Variants in FLNC observed in about 807,000 individuals in gnomAD.
FLNC encodes the protein filamin-C.
In FLNC, 91 loss-of-function variants were observed where a neutral mutation model predicts 254.3. The ratio of observed to expected loss-of-function variants is 0.36; its 90% CI spans 0.30 to 0.43. The LOEUF is 0.43. Ranked by LOEUF, FLNC falls within the 20% of genes least tolerant of loss-of-function variation. FLNC has a pLI of 1.00. For synonymous variants in FLNC, 1,430 were observed against 1,577.2 expected, an observed-to-expected ratio of 0.91 and a Z score of 2.21; for missense variants, 2,853 against 3,802.6, an observed-to-expected ratio of 0.75 and a Z score of 6.57.
chr7:128,838,770 A>G lies in FLNC; in HGVS notation c.1378A>G (p.Thr460Ala), dbSNP rs1808211117. Residue 460 changes from threonine (T) to alanine (A), a missense_variant, in exon 8 of 48, where the codon ACC (threonine) becomes GCC (alanine). By Grantham distance (58) the Thr-to-Ala change is moderately conservative (BLOSUM62 0). Transcript: ENST00000325888. ...VHVAFAGAPI[T>A]RSPFPVHVSE... is the part of the protein sequence containing the mutation. ...TGTGGCCTTTGCGGGTGCCCCCATC[A>G]CCCGCAGTCCCTTCCCTGTCCATGT... 3 of 1,612,546 alleles carry G rather than the reference A, an allele frequency of 1.9e-6. No individual in the cohort carries two copies. In the South Asian group the frequency reaches 3.3e-5, roughly 18 times the overall value.
At position 128,852,996 on chromosome 7, in the gene FLNC, A is replaced by T. The variant is rs981816775; in HGVS notation, c.6173A>T (p.Gln2058Leu). 2 of 1,613,420 alleles carry T rather than the reference A, an allele frequency of 1.2e-6. No homozygotes were observed. Among genetic ancestry groups the T allele is most frequent in the Non-Finnish European group, 1.7e-6 (2 of 1,180,016 alleles). Reference sequence around the variant, plus strand: ...GGGCTTTCCGAGGGACACACATTCCAGGTGGCAGAGTTCATCGTGGACACT... The same window carrying T: ...GGGCTTTCCGAGGGACACACATTCCTGGTGGCAGAGTTCATCGTGGACACT... The part of the protein sequence containing the change: ...GKGLSEGHTF[Q>L]VAEFIVDTRN... The change falls in exon 37 of 48, where the codon CAG becomes CTG. Residue 2058 changes from glutamine (Q) to leucine (L), a missense_variant. Transcript: ENST00000325888.
chr7:128,850,662 G>A, intron 32 of FLNC, 141 bp from the exon 33 acceptor site: 2 of 1,374,756 alleles, frequency 1.5e-6, no homozygotes, highest in Non-Finnish European at 2.0e-6. Flanking sequence ...CCCAGTTCAG[G>A]GCTCAGGCCA....
chr7:128,841,312 A>T lies in FLNC; in HGVS notation c.1956A>T (p.Ser652=). ...VICDDEDIRD[S]PFIAHILPAP... The stretch of plus-strand genomic sequence containing the variant: ...GTGACGATGAGGACATCCGAGACTC[A>T]CCCTTCATTGCCCACATCCTGCCCG... Residue 652 remains serine (S), a synonymous_variant, in exon 12 of 48, where the codon TCA becomes TCT. Transcript: ENST00000325888. The surrounding 1 kb of genome is among the most constrained non-coding windows in gnomAD (Gnocchi z 4.3). 6.2e-7 allele frequency: 1 copy of T among 1,613,986 alleles called. No homozygotes were observed. The highest frequency in any genetic ancestry group is 8.5e-7 in the Non-Finnish European group (1 of 1,179,986).
In FLNC at chr7:128,854,236, C is replaced by G; in HGVS notation, c.6727+20C>G. 1 of 1,604,422 alleles carries G rather than the reference C, an allele frequency of 6.2e-7. No individual in the cohort carries two copies. Among genetic ancestry groups the G allele is most frequent in the Non-Finnish European group, 8.5e-7 (1 of 1,175,890 alleles). On this transcript the variant is annotated intron_variant, in intron 40 of 47. Transcript: ENST00000325888. ...AGGAGGGTGAGCACCGCACACTGGG[C>G]CGGCCGGGTCCTCACGGCGGGATGG...
At position 128,845,997 on chromosome 7, in the gene FLNC, G is replaced by T. The variant is rs755949518; in HGVS notation, c.3798G>T (p.Leu1266=). The T allele has an allele frequency of 1.2e-5, 19 of 1,613,642 alleles. 1 individual carries two copies. Among genetic ancestry groups the T allele is most frequent in the Middle Eastern group, 3.3e-4 (2 of 6,078 alleles). ...SGPGVEPHGV[L]REVTTEFTVD... is the part of the protein sequence containing the mutation. ...GCCACCCCTGGGCTCCAGGTGTCCT[G>T]CGGGAGGTGACCACTGAGTTCACTG... The change falls in exon 22 of 48, where the codon CTG becomes CTT. Residue 1266 remains leucine, a synonymous_variant. Transcript: ENST00000325888.
At position 128,844,010 on chromosome 7, in the gene FLNC, C is replaced by G; in HGVS notation, c.2936C>G (p.Ala979Gly). The G allele has an allele frequency of 6.2e-7, 1 of 1,614,160 alleles. No homozygotes were observed. The change falls in exon 20 of 48, where the codon GCT (alanine) becomes GGT (glycine). Residue 979 changes from alanine to glycine, a missense_variant. This residue lies in a region of FLNC where 1,573 missense variants were observed against 1,883.5 expected (regional missense o/e 0.84). Coordinates refer to ENST00000325888, the MANE Select transcript of FLNC (RefSeq NM_001458.5). Reference protein sequence around the residue: ...IKVQGLNSKVAVGQEQAFSVN... With the variant: ...IKVQGLNSKVGVGQEQAFSVN... ...TCACTTGCCCTCCACGCAGAGGTGG[C>G]TGTGGGACAGGAACAAGCATTCTCT...
rs1205868132 is a variant in FLNC, at chr7:128,854,700, A to G, written c.6997+18A>G. 6.2e-7 allele frequency: 1 copy of G among 1,612,652 alleles called. No homozygotes were observed. The highest frequency in any genetic ancestry group is 8.5e-7 in the Non-Finnish European group (1 of 1,179,394). ...CGTGCCAGGTAAGGGGCAGGTGGCC[A>G]GGAGTGGGGATGAAGTCAGGGCAGC... On this transcript the variant is annotated intron_variant, in intron 41 of 47. Coordinates refer to ENST00000325888, the MANE Select transcript of FLNC (RefSeq NM_001458.5).
At chr7:128,845,297 G>A in intron 21 of FLNC, 42 bp downstream of exon 21, 4 of 1,525,090 alleles carry the variant, frequency 2.6e-6, no homozygotes, top group Non-Finnish European at 3.6e-6. Flanking sequence ...AGTGGCAGGT[G>A]CAGGAGCTGG....
intron 32 of FLNC, 120 bp from the exon 33 acceptor site, chr7:128,850,683 C>A: frequency 2.0e-6 from 3 of 1,476,930 alleles, no homozygotes; most frequent in Non-Finnish European, 2.8e-6. Flanking sequence ...CTGCCACAGG[C>A]TGTCTCTTGA....
At position 128,837,126 on chromosome 7, in the gene FLNC, C is replaced by T. The variant is rs746467555; in HGVS notation, c.602-34C>T. On this transcript the variant is annotated intron_variant, in intron 2 of 47. Transcript: ENST00000325888. ...CCCTGCATCCTGGCCGGCTGGCTGC[C>T]CCTCACCATCGTCTCCCTCCATCAC... 226 of 1,456,776 alleles carry T rather than the reference C, an allele frequency of 1.6e-4. 1 individual carries two copies. The Admixed American group carries it at 3.1e-3, about 20-fold the overall frequency. The allele number at this position is 1,456,776 out of a possible 1,614,324, so 90.2% of individuals were successfully genotyped here.
At chr7:128,834,834 A>G (rs1808034695) in intron 1 of FLNC, among the ~76,000 whole-genome samples, 1 of 151,624 alleles carries the variant, frequency 6.6e-6, no homozygotes, top group African/African-American at 2.4e-5. Flanking sequence ...GGTGTGTGCA[A>G]GGAAACTTTG....
chr7:128,856,672 C>T lies in FLNC; in HGVS notation c.7384+22C>T. 6.2e-7 allele frequency: 1 copy of T among 1,613,648 alleles called. No individual in the cohort carries two copies. Among genetic ancestry groups the T allele is most frequent in the Non-Finnish European group, 8.5e-7 (1 of 1,180,018 alleles). ...AGTGGTGAGCTGGCCCTGCCCCTGC[C>T]AACTCCCTTCCGGGCTGGGGCCTTC... On this transcript the variant is annotated intron_variant, in intron 44 of 47. Coordinates refer to ENST00000325888, the MANE Select transcript of FLNC (RefSeq NM_001458.5). This position sits in a 1 kb window ranked among gnomAD's most constrained non-coding sequence, Gnocchi z 5.9.
In FLNC at chr7:128,843,173, T is replaced by C. The variant is rs2291567; in HGVS notation, c.2551-56T>C. On this transcript the variant is annotated intron_variant, in intron 16 of 47. Transcript: ENST00000325888. ...GGTGTGTCCTGAGCCAGCATCTAGC[T>C]GAGAGCAGGGGTGTGTTCCCCTCGA... 0.19 allele frequency: 290,927 copies of C among 1,501,336 alleles called. 34,356 individuals are homozygous for C. Among genetic ancestry groups the C allele is most frequent in the African/African-American group, 0.5 (36,277 of 72,142 alleles). 93.0% of individuals were successfully genotyped at this position (1,501,336 alleles called of 1,614,324 possible). A position where few individuals can be genotyped will look rare whatever the true frequency, so the allele number is the denominator to read the frequency against.
In FLNC at chr7:128,846,820, G is replaced by A; in HGVS notation, c.4203G>A (p.Lys1401=). ...CCAAGATGTCCTGCAAGGACAACAAGGATGGTAGCTGCACCGTGGAGTACA... is the reference window on the plus strand; with the variant it reads ...CCAAGATGTCCTGCAAGGACAACAAAGATGGTAGCTGCACCGTGGAGTACA... The part of the protein sequence containing the change: ...SEAKMSCKDN[K]DGSCTVEYIP... Residue 1401 remains lysine (K), a synonymous_variant, in exon 24 of 48, where the codon AAG becomes AAA. Coordinates refer to ENST00000325888, the MANE Select transcript of FLNC (RefSeq NM_001458.5). 10 of 1,614,256 alleles carry A rather than the reference G, an allele frequency of 6.2e-6. No individual in the cohort carries two copies. In the East Asian group the frequency reaches 1.8e-4, roughly 29 times the overall value.
chr7:128,843,798 C>A lies in FLNC; in HGVS notation c.2814C>A (p.Gly938=), dbSNP rs758758657. The A allele has an allele frequency of 6.2e-7, 1 of 1,613,636 alleles. No homozygotes were observed. The highest frequency in any genetic ancestry group is 8.5e-7 in the Non-Finnish European group (1 of 1,179,568). The part of the protein sequence containing the change: ...YTVKYTAVQQ[G]NMAVTVTYGG... ...TGACCTACCATTGTACCCAACAGGG[C>A]AACATGGCAGTGACAGTGACTTATG... Residue 938 remains glycine (G), a splice_region_variant and synonymous_variant, in exon 19 of 48, where the codon GGC becomes GGA. Transcript: ENST00000325888.
At chr7:128,849,128 TG>T in intron 28 of FLNC, 52 bp from the exon 29 acceptor site, 3 of 794,002 alleles carry the variant, frequency 3.8e-6, no homozygotes, top group African/African-American at 1.8e-5. Flanking sequence ...CCCCGCCCAA[TG>T]CCCCAGCCCA....
rs1291689149 is a variant in FLNC at position 128,849,984 on chromosome 7, C to A, written c.5208C>A (p.Asp1736Glu). 2 of 1,587,658 alleles carry A rather than the reference C, an allele frequency of 1.3e-6. No homozygotes were observed. The highest frequency in any genetic ancestry group is 1.7e-6 in the Non-Finnish European group (2 of 1,172,054). Residue 1736 changes from aspartate to glutamate, a missense_variant, in exon 31 of 48, where the codon GAC becomes GAA. Transcript: ENST00000325888. ...GTGCCTTGCCTCCCCAGGCGTGTGACCCCCTGCCGCACGAGGAGGAGCCCT... is the reference window on the plus strand; with the variant it reads ...GTGCCTTGCCTCCCCAGGCGTGTGAACCCCTGCCGCACGAGGAGGAGCCCT... ...PNSPFHVLAC[D>E]PLPHEEEPSE...
chr7:128,845,165 C>T lies in FLNC; in HGVS notation c.3700C>T (p.Pro1234Ser). ...CATTACCATCAAGTATGGCGGGCAT[C>T]CCGTGCCCAAATTCCCCACCCGTGT... is the stretch of plus-strand genomic sequence containing the variant. Reference protein sequence around the residue: ...YTITIKYGGHPVPKFPTRVHV... With the variant: ...YTITIKYGGHSVPKFPTRVHV... The change falls in exon 21 of 48, where the codon CCC (proline) becomes TCC (serine). Residue 1234 changes from proline (P) to serine (S), a missense_variant. This residue lies in a region of FLNC where 1,573 missense variants were observed against 1,883.5 expected (regional missense o/e 0.84). Transcript: ENST00000325888. The T allele has an allele frequency of 1.9e-6, 3 of 1,613,928 alleles. No homozygotes were observed. Among genetic ancestry groups the T allele is most frequent in the Non-Finnish European group, 2.5e-6 (3 of 1,180,040 alleles).
rs200495738 is a variant in FLNC at position 128,845,866 on chromosome 7, GAGAGGAGGGGA to G, written c.3791-105_3791-95del. The G allele has an allele frequency of 0.087, 73,374 of 844,624 alleles. 7,882 individuals carry two copies. The highest frequency in any genetic ancestry group is 0.38 in the African/African-American group (18,392 of 48,706). The allele number at this position is 844,624 out of a possible 1,614,324, so 52.3% of individuals were successfully genotyped here. A position where few individuals can be genotyped will look rare whatever the true frequency, so the allele number is the denominator to read the frequency against. ...TGGGAGAGGAGGGGGAGAGGAGGGTGAGAGGAGGGGAAGAGGAGGGGAAGAGGAGAGGGAGA... is the reference window on the plus strand; with the variant it reads ...TGGGAGAGGAGGGGGAGAGGAGGGTGAGAGGAGGGGAAGAGGAGAGGGAGA... On this transcript the variant is annotated intron_variant, in intron 21 of 47. Transcript: ENST00000325888.
Sources: allele counts gnomAD v4.1 joint callset (sites outside exome capture counted in the v4.1 genomes callset), GRCh38; gene constraint gnomAD v4.1.1; regional missense constraint gnomAD v4.1.1; non-coding constraint Gnocchi (gnomAD v3.1); transcripts MANE v1.5; gene names NCBI Gene and HGNC (gene_info 2026-07-23, HGNC 2026-07-21).